NOX4: variants seen among roughly 807,000 people sequenced by gnomAD.
NOX4 encodes the protein NADPH oxidase 4, also known as kidney oxidase-1.
Under a neutral mutation model 87.6 loss-of-function variants are expected in NOX4, and 69 were observed. That is an observed-to-expected ratio of 0.79 (90% CI 0.65 to 0.96). The LOEUF (loss-of-function observed/expected upper bound fraction) is 0.96. Among genes scored for constraint, NOX4 ranks in the 40% least tolerant of loss-of-function variants. The probability of loss-of-function intolerance (pLI) is 0.00; values close to 1 mark genes in which losing one functional copy is unlikely to be tolerated. For missense variants in NOX4, 680 were observed against 681.5 expected, an observed-to-expected ratio of 1.00 and a Z score of 0.02; for synonymous variants, 275 against 238.2, an observed-to-expected ratio of 1.15 and a Z score of -1.42.
chr11:89,491,214 G>A lies in NOX4; in HGVS notation c.33C>T (p.Asn11=), dbSNP rs1222975147. ...CCAGGCAGAGGTGTTTAACCCCTTC[G>A]TTGGCGAGCCAGCTCCTCCAGGACA... MAVSWRSWLA[N]EGVKHLCLFI... Residue 11 remains asparagine, a synonymous_variant, in exon 1 of 18, where the codon AAC becomes AAT. Transcript: ENST00000263317. 3 of 1,613,614 alleles carry A rather than the reference G, an allele frequency of 1.9e-6. No individual in the cohort carries two copies. Among genetic ancestry groups the A allele is most frequent in the East Asian group, 4.5e-5 (2 of 44,852 alleles).
chr11:89,554,922 G>GA, the NOX4 span, among the ~76,000 whole-genome samples: 26 of 149,828 alleles, frequency 1.7e-4, no homozygotes, highest in East Asian at 3.5e-3. Context: ...TAAATTTAGT[G>GA]AAAAAAAAAT....
rs370851765 is a variant in NOX4 at position 89,399,623 on chromosome 11, C to T, written c.1074+394G>A. 2.5e-4 allele frequency among the ~76,000 whole-genome samples: 38 copies of T among 149,926 alleles called. No individual in the cohort carries two copies. In the South Asian group the frequency reaches 8.0e-3, roughly 32 times the overall value. ...GGACTACAGATGTGTACCACCACAT[C>T]TGGCTTTTTTTTTTTATTTACTGTA... is the stretch of plus-strand genomic sequence containing the variant. On this transcript the variant is annotated intron_variant, in intron 11 of 17. Coordinates refer to ENST00000263317, the MANE Select transcript of NOX4 (RefSeq NM_016931.5).
the NOX4 span, among the ~76,000 whole-genome samples, chr11:89,551,419 T>G: frequency 6.6e-6 from 1 of 152,208 alleles, no homozygotes; most frequent in African/African-American, 2.4e-5. Context: ...CAGTACTGAT[T>G]CTTCCTATCC....
At chr11:89,376,550 T>TAA (rs1189210189) in intron 11 of NOX4, among the ~76,000 whole-genome samples, 2 of 152,186 alleles carry the variant, frequency 1.3e-5, no homozygotes, top group African/African-American at 4.8e-5. Context: ...GTTAAAAAGT[T>TAA]ACAGTATAAT....
chr11:89,422,999 C>A (rs1009009161), intron 7 of NOX4, among the ~76,000 whole-genome samples: 1 of 151,784 alleles, frequency 6.6e-6, no homozygotes, highest in African/African-American at 2.4e-5. Flanking sequence ...GGGGTTTCAC[C>A]ATGTTGGCCA....
At chr11:89,382,617 C>A (rs1335814047) in intron 11 of NOX4, among the ~76,000 whole-genome samples, 1 of 151,924 alleles carries the variant, frequency 6.6e-6, no homozygotes, top group Admixed American at 6.6e-5. Context: ...ACCCATCTGA[C>A]TTCTCCCCTC....
chr11:89,573,582 G>A, the NOX4 span, among the ~76,000 whole-genome samples: 1 of 152,176 alleles, frequency 6.6e-6, no homozygotes, highest in Non-Finnish European at 1.5e-5. Context: ...GTTACCAGCT[G>A]CGAATCTGTA....
At chr11:89,336,002 A>G in intron 16 of NOX4, 57 bp from the exon 17 acceptor site, 1 of 1,091,502 alleles carries the variant, frequency 9.2e-7, no homozygotes, top group Non-Finnish European at 1.3e-6. Flanking sequence ...CCAGTTCTCT[A>G]ACATCATTTC....
At chr11:89,346,248 G>A (rs1946211171) in intron 13 of NOX4, among the ~76,000 whole-genome samples, 1 of 152,026 alleles carries the variant, frequency 6.6e-6, no homozygotes, top group Non-Finnish European at 1.5e-5. Context: ...AAACCAATTT[G>A]ATGTTTATCT....
At chr11:89,406,044 A>G (rs1205444155) in intron 8 of NOX4, among the ~76,000 whole-genome samples, 1 of 152,162 alleles carries the variant, frequency 6.6e-6, no homozygotes, top group South Asian at 2.1e-4. Flanking sequence ...TCAAACCAAT[A>G]CTTTTATGTG....
the NOX4 span, among the ~76,000 whole-genome samples, chr11:89,561,046 C>CATATATATAT: frequency 1.9e-4 from 5 of 25,666 alleles, no homozygotes; most frequent in African/African-American, 4.4e-4. Context: ...ACACATATAT[C>CATATATATAT]ATACATATAT....
At chr11:89,374,979 A>C (rs1378178475) in intron 11 of NOX4, among the ~76,000 whole-genome samples, 1 of 152,180 alleles carries the variant, frequency 6.6e-6, no homozygotes, top group Admixed American at 6.5e-5. Context: ...TTATGTTAAC[A>C]ACTCATTAGG....
At chr11:89,467,831 G>C (rs1373114311) in intron 2 of NOX4, among the ~76,000 whole-genome samples, 1 of 152,148 alleles carries the variant, frequency 6.6e-6, no homozygotes, top group Non-Finnish European at 1.5e-5. Flanking sequence ...ATTTGGCGAT[G>C]ATTATTCTCA....
intron 13 of NOX4, among the ~76,000 whole-genome samples, chr11:89,352,193 A>G (rs907304291): frequency 6.6e-6 from 1 of 152,166 alleles, no homozygotes; most frequent in African/African-American, 2.4e-5. Context: ...GATACCCTAA[A>G]AGCCCTGACT....
Position 89,438,420 on chromosome 11 carries a change from TTATAA to T in NOX4, c.475+2263_475+2267del, listed in dbSNP as rs1162637242. Among the ~76,000 whole-genome samples the T allele has an allele frequency of 7.2e-5, 8 of 111,610 alleles. No individual in the cohort carries two copies. The East Asian group carries it at 1.5e-3, about 20-fold the overall frequency. The allele number at this position is 111,610 out of a possible 152,430, so 73.2% of individuals were successfully genotyped here. ...AATATAAATAATATATAATATATAATTATAATATAATATATACTATGTATATTATA... is the reference window on the plus strand; with the variant it reads ...AATATAAATAATATATAATATATAATTATAATATATACTATGTATATTATA... On this transcript the variant is annotated intron_variant, in intron 6 of 17. Transcript: ENST00000263317.
At chr11:89,485,569 T>A (rs1946558970) in intron 2 of NOX4, among the ~76,000 whole-genome samples, 1 of 152,108 alleles carries the variant, frequency 6.6e-6, no homozygotes, top group African/African-American at 2.4e-5. Flanking sequence ...TAAATGGTGT[T>A]TTGAGTTAAA....
chr11:89,429,493 A>C (rs892362635), intron 7 of NOX4, among the ~76,000 whole-genome samples: 2 of 152,174 alleles, frequency 1.3e-5, no homozygotes, highest in Non-Finnish European at 2.9e-5. Context: ...AGAGAGAAGA[A>C]TCAAATAGAT....
intron 11 of NOX4, 130 bp downstream of exon 11, chr11:89,399,887 A>G (rs1266809834): frequency 5.1e-6 from 3 of 589,460 alleles, no homozygotes; most frequent in Non-Finnish European, 9.0e-6. Context: ...CCTTGTAAAA[A>G]GATAGCTTAC....
intron 11 of NOX4, among the ~76,000 whole-genome samples, chr11:89,394,236 A>G (rs1221380937): frequency 1.3e-5 from 2 of 152,150 alleles, no homozygotes; most frequent in Non-Finnish European, 2.9e-5. Flanking sequence ...AAAGTAAAAA[A>G]GTTTTCAGTG....
Sources: gnomAD v4.1 joint callset for allele counts (sites outside exome capture counted in the v4.1 genomes callset) on GRCh38, gnomAD v4.1.1 for gene constraint, MANE v1.5 for transcripts, NCBI Gene and HGNC (gene_info 2026-07-23, HGNC 2026-07-21) for gene names.